The following RIC1 variants were observed in gnomAD, a reference collection of about 807,000 sequenced individuals.
RIC1 encodes the protein guanine nucleotide exchange factor subunit RIC1.
RIC1 carries 88 observed loss-of-function variants against 169.0 expected under a neutral mutation model. The ratio of observed to expected loss-of-function variants is 0.52; its 90% CI spans 0.44 to 0.62. The LOEUF (loss-of-function observed/expected upper bound fraction) is 0.62, where lower values mean the gene tolerates loss of function less well. Ranked by LOEUF, RIC1 falls within the 20% of genes least tolerant of loss-of-function variation. RIC1 has a pLI of 0.00. For synonymous variants in RIC1, 790 were observed against 601.5 expected (o/e 1.31, Z -4.59); for missense variants, 1,877 against 1,725.5 (o/e 1.09, Z -1.56).
chr9:5,753,468 T>A, intron 13 of RIC1, 68 bp from the exon 14 acceptor site: 3 of 979,832 alleles, frequency 3.1e-6, no homozygotes, highest in Non-Finnish European at 4.7e-6. Flanking sequence ...GACACAATAC[T>A]AAGCTCTTTA....
chr9:5,633,499 TTTCTTTATGAGTCA>T (rs1817821093), intron 1 of RIC1, among the ~76,000 whole-genome samples: 1 of 152,216 alleles, frequency 6.6e-6, no homozygotes, highest in East Asian at 1.9e-4. Context: ...GTTGAAATCC[TTTCTTTATGAGTCA>T]TTCTTTACCT....
intron 1 of RIC1, among the ~76,000 whole-genome samples, chr9:5,655,860 G>C (rs957087498): frequency 1.3e-5 from 2 of 151,566 alleles, no homozygotes; most frequent in Non-Finnish European, 3.0e-5. Context: ...ATGTTGATCT[G>C]TAGTGTTTTT....
chr9:5,655,598 G>T (rs1007148312), intron 1 of RIC1, among the ~76,000 whole-genome samples: 7 of 152,152 alleles, frequency 4.6e-5, no homozygotes, highest in Admixed American at 1.3e-4. Context: ...GTGGCGCCCG[G>T]CCTTGCTCAG....
chr9:5,737,502 G>A (rs1824788773), intron 7 of RIC1, among the ~76,000 whole-genome samples: 1 of 145,636 alleles, frequency 6.9e-6, no homozygotes, highest in African/African-American at 2.4e-5. Context: ...ACTCTTTGTT[G>A]TATTTTTACC....
chr9:5,770,539 G>T (rs1385503267), intron 23 of RIC1, among the ~76,000 whole-genome samples: 1 of 152,140 alleles, frequency 6.6e-6, no homozygotes, highest in Non-Finnish European at 1.5e-5. Flanking sequence ...TGATGATAAG[G>T]AAACACTAAC....
chr9:5,653,901 C>G (rs536366531), intron 1 of RIC1, among the ~76,000 whole-genome samples: 102 of 152,222 alleles, frequency 6.7e-4, no homozygotes, highest in Non-Finnish European at 1.2e-3. Flanking sequence ...CAGCCTGTCT[C>G]CATTTATTTA....
At chr9:5,682,048 G>T (rs1033131426) in intron 2 of RIC1, among the ~76,000 whole-genome samples, 3 of 152,112 alleles carry the variant, frequency 2.0e-5, no homozygotes, top group African/African-American at 7.2e-5. Context: ...GAGCCTATGT[G>T]TGTCTCTGCA....
chr9:5,662,058 T>TA (rs1819485057), intron 2 of RIC1, among the ~76,000 whole-genome samples: 1 of 152,184 alleles, frequency 6.6e-6, no homozygotes, highest in African/African-American at 2.4e-5. Context: ...TGAATTTTAT[T>TA]AAAGACCTTT....
At chr9:5,681,750 G>C (rs1216540157) in intron 2 of RIC1, among the ~76,000 whole-genome samples, 1 of 152,150 alleles carries the variant, frequency 6.6e-6, no homozygotes. Context: ...GGGTGTTAAA[G>C]TCTCCCATTA....
intron 14 of RIC1, 149 bp from the exon 15 acceptor site, chr9:5,754,692 C>G (rs567738711): frequency 9.0e-6 from 4 of 446,208 alleles, no homozygotes; most frequent in East Asian, 6.9e-5. Flanking sequence ...GATCGAGCCA[C>G]TGCACTCCAG....
rs184158166 is a variant in RIC1 at position 5,655,462 on chromosome 9, G to A, written c.145-1121G>A. Among the ~76,000 whole-genome samples the A allele has an allele frequency of 4.0e-3, 604 of 151,654 alleles. 1 individual carries two copies. The highest frequency in any genetic ancestry group is 0.014 in the African/African-American group (584 of 41,348). On this transcript the variant is annotated intron_variant, in intron 1 of 25. Coordinates refer to ENST00000414202, the MANE Select transcript of RIC1 (RefSeq NM_020829.4). ...ATTATAGGCGCCTGCCACCACACCG[G>A]GCTAATTTTTGTATTTTTAGTAGAG... is the stretch of plus-strand genomic sequence containing the variant.
chr9:5,629,805 T>C (rs1817630107), intron 1 of RIC1, among the ~76,000 whole-genome samples: 1 of 152,218 alleles, frequency 6.6e-6, no homozygotes, highest in Non-Finnish European at 1.5e-5. Flanking sequence ...GTTTAAACTT[T>C]CCACAATTAG....
chr9:5,668,511 A>G (rs910135393), intron 2 of RIC1, among the ~76,000 whole-genome samples: 11 of 151,910 alleles, frequency 7.2e-5, no homozygotes, highest in African/African-American at 2.4e-4. Flanking sequence ...TTCTATTCCT[A>G]TATTATGTAT....
rs749175924 is a variant in RIC1 at position 5,776,145 on chromosome 9, A to ATAAGT, written c.*1903_*1907dup. On this transcript the variant is annotated 3_prime_UTR_variant, in exon 26 of 26. Transcript: ENST00000414202. ...ACATTCTTGAAAGCAGGGCACCAGT[A>ATAAGT]TAAGTTAACTGTATTCCTGTGGGTT... 5 of 152,208 alleles carry ATAAGT rather than the reference A, an allele frequency of 3.3e-5. No homozygotes were observed. The highest frequency in any genetic ancestry group is 1.2e-4 in the African/African-American group (5 of 41,468). The allele number at this position is 152,208 out of a possible 1,614,324, so 9.4% of individuals were successfully genotyped here.
chr9:5,681,231 C>G (rs1041225263), intron 2 of RIC1, among the ~76,000 whole-genome samples: 3 of 152,162 alleles, frequency 2.0e-5, no homozygotes, highest in East Asian at 3.9e-4. Context: ...TCTTGCTTCT[C>G]TAGTTATTTT....
chr9:5,767,234 C>A (rs1826836481), intron 21 of RIC1, among the ~76,000 whole-genome samples: 1 of 152,104 alleles, frequency 6.6e-6, no homozygotes, highest in South Asian at 2.1e-4. Context: ...ACTCTTGTGA[C>A]CTATTGATTA....
In RIC1 at chr9:5,629,128, G is replaced by A. The variant is rs955072649; in HGVS notation, c.-182G>A. On this transcript the variant is annotated 5_prime_UTR_variant, in exon 1 of 26. Coordinates refer to ENST00000414202, the MANE Select transcript of RIC1 (RefSeq NM_020829.4). ...CCCCACACTCGGCCCCGTCAGCTTGGGGGTGCCTTCGTCGCGCAGCCTTGC... is the reference window on the plus strand; with the variant it reads ...CCCCACACTCGGCCCCGTCAGCTTGAGGGTGCCTTCGTCGCGCAGCCTTGC... The A allele has an allele frequency of 3.0e-5, 13 of 434,090 alleles. No individual in the cohort carries two copies. Among genetic ancestry groups the A allele is most frequent in the Admixed American group, 1.4e-4 (3 of 21,254 alleles). 26.9% of individuals were successfully genotyped at this position (434,090 alleles called of 1,614,324 possible).
intron 17 of RIC1, among the ~76,000 whole-genome samples, chr9:5,759,841 A>T (rs1256902637): frequency 6.6e-6 from 1 of 152,224 alleles, no homozygotes; most frequent in African/African-American, 2.4e-5. Flanking sequence ...AATCTGGATA[A>T]TGGCAGTGTG....
chr9:5,707,421 A>C (rs893157629), intron 3 of RIC1, among the ~76,000 whole-genome samples: 2 of 151,850 alleles, frequency 1.3e-5, no homozygotes, highest in African/African-American at 4.8e-5. Context: ...TAACTTCTCT[A>C]TTTCCTTATT....
Sources: gnomAD v4.1 joint callset for allele counts (sites outside exome capture counted in the v4.1 genomes callset) on GRCh38, gnomAD v4.1.1 for gene constraint, MANE v1.5 for transcripts, NCBI Gene and HGNC (gene_info 2026-07-23, HGNC 2026-07-21) for gene names.